CD8A: variants seen among roughly 807,000 people sequenced by gnomAD.
The protein encoded by CD8A is T-cell surface glycoprotein CD8 alpha chain.
A neutral mutation model predicts 24.2 loss-of-function variants in CD8A; 25 were observed. That is an observed-to-expected ratio of 1.03 (90% CI 0.75 to 1.44). The LOEUF (loss-of-function observed/expected upper bound fraction) is 1.44, where lower values mean the gene tolerates loss of function less well. Ranked by LOEUF, CD8A falls within the 40% of genes most tolerant of loss-of-function variation. The probability of loss-of-function intolerance (pLI) is 0.00; values close to 1 mark genes in which losing one functional copy is unlikely to be tolerated. For synonymous variants in CD8A, 165 were observed against 149.9 expected, an observed-to-expected ratio of 1.10 and a Z score of -0.74; for missense variants, 360 against 319.7, an observed-to-expected ratio of 1.13 and a Z score of -0.96.
At chr2:86,797,024 T>C (rs1170944715) in intron 3 of CD8A, among the ~76,000 whole-genome samples, 1 of 152,256 alleles carries the variant, frequency 6.6e-6, no homozygotes, top group Non-Finnish European at 1.5e-5. Flanking sequence ...TAAATTCTTC[T>C]TCCTTGGCAA....
rs1160887106 is a variant in CD8A at position 86,790,903 on chromosome 2, G to A, written c.-78C>T. 6 of 1,388,696 alleles carry A rather than the reference G, an allele frequency of 4.3e-6. No individual in the cohort carries two copies. The highest frequency in any genetic ancestry group is 1.2e-5 in the South Asian group (1 of 81,148). 86.0% of individuals were successfully genotyped at this position (1,388,696 alleles called of 1,614,324 possible). On this transcript the variant is annotated 5_prime_UTR_variant, in exon 1 of 6. Coordinates refer to ENST00000283635, the MANE Select transcript of CD8A (RefSeq NM_001768.7). ...GCGCGGGAGCCGGTGGGGCGCCGAG[G>A]GGGGAAAGTTGCGCCCTTCGGCCGG...
intron 3 of CD8A, among the ~76,000 whole-genome samples, chr2:86,798,633 C>T (rs1225933741): frequency 1.3e-5 from 2 of 152,124 alleles, no homozygotes; most frequent in East Asian, 1.9e-4. Flanking sequence ...AGCAATTCTC[C>T]TGTCTCAGCC....
At chr2:86,789,605 G>A in intron 3 of CD8A, 35 bp downstream of exon 3, 1 of 1,437,582 alleles carries the variant, frequency 7.0e-7, no homozygotes. Context: ...CCCGCGGTGC[G>A]TGCCGCCCCC....
intron 3 of CD8A, among the ~76,000 whole-genome samples, chr2:86,800,743 T>A (rs1216181160): frequency 6.6e-6 from 1 of 152,180 alleles, no homozygotes; most frequent in Non-Finnish European, 1.5e-5. Context: ...TCAACAAAAT[T>A]GGAAGAAGGC....
At chr2:86,789,576 G>A in intron 3 of CD8A, 64 bp downstream of exon 3, 1 of 1,349,380 alleles carries the variant, frequency 7.4e-7, no homozygotes. Flanking sequence ...TATCAGGGCT[G>A]TCCCTGGCAT....
At chr2:86,806,392 G>A (rs997070868) in intron 2 of CD8A, among the ~76,000 whole-genome samples, 1 of 152,184 alleles carries the variant, frequency 6.6e-6, no homozygotes, top group Non-Finnish European at 1.5e-5. Context: ...GAAAGACCAC[G>A]GCAAGGAAAG....
chr2:86,791,620 A>G (rs975490545), upstream of CD8A: 4 of 454,038 alleles, frequency 8.8e-6, no homozygotes, highest in African/African-American at 2.0e-5. Flanking sequence ...ATTCTCACAA[A>G]GGGGATCTGA....
chr2:86,787,296 T>A (rs1241646086), intron 5 of CD8A, among the ~76,000 whole-genome samples: 1 of 152,030 alleles, frequency 6.6e-6, no homozygotes, highest in East Asian at 1.9e-4. Flanking sequence ...AACATATGCA[T>A]TGGAAATCCA....
upstream of CD8A, among the ~76,000 whole-genome samples, chr2:86,791,953 G>A (rs370471743): frequency 1.3e-5 from 2 of 152,214 alleles, no homozygotes; most frequent in South Asian, 4.1e-4. Flanking sequence ...AGGTGTGGGT[G>A]ATGTGGGTGA....
At chr2:86,795,768 T>C (rs1673462200), upstream of CD8A, among the ~76,000 whole-genome samples, 1 of 152,180 alleles carries the variant, frequency 6.6e-6, no homozygotes, top group African/African-American at 2.4e-5. Context: ...CAGCCACCCA[T>C]GTAAGGCCTA....
At chr2:86,791,263 T>C (rs964019222), upstream of CD8A, 2 of 372,270 alleles carry the variant, frequency 5.4e-6, no homozygotes, top group Admixed American at 7.4e-5. Context: ...TAAAGGCGTC[T>C]CTTGTACTGT....
At chr2:86,788,488 G>A (rs777603389) in intron 5 of CD8A, 42 bp downstream of exon 5, 19 of 1,553,218 alleles carry the variant, frequency 1.2e-5, no homozygotes, top group Non-Finnish European at 1.7e-5. Context: ...CCCCACCCCA[G>A]GGCTGGCCAA....
intron 2 of CD8A, 127 bp from the exon 3 acceptor site, chr2:86,789,877 G>T (rs1673199191): frequency 3.4e-6 from 2 of 596,280 alleles, no homozygotes; most frequent in Non-Finnish European, 5.4e-6. Flanking sequence ...GGATAGCAGA[G>T]GAGACAGGAT....
intron 5 of CD8A, 146 bp downstream of exon 5, chr2:86,788,384 G>A: frequency 1.4e-6 from 1 of 722,904 alleles, no homozygotes; most frequent in Non-Finnish European, 2.5e-6. Context: ...GCCTCTCTTT[G>A]CTCAGGAACT....
At chr2:86,792,381 A>C (rs1247706699), upstream of CD8A, among the ~76,000 whole-genome samples, 1 of 152,152 alleles carries the variant, frequency 6.6e-6, no homozygotes, top group Non-Finnish European at 1.5e-5. Flanking sequence ...AGACTTCATG[A>C]TGTGTCCTCC....
Position 86,785,970 on chromosome 2 carries a change from G to A in CD8A, c.658C>T (p.Pro220Ser). ...NRRRVCKCPRPVVKSGDKPSL... is the reference protein window; with the variant it reads ...NRRRVCKCPRSVVKSGDKPSL... Reference sequence around the variant, plus strand: ...GGCTTGTCTCCCGATTTGACCACAGGCCTGAAAGAGAGGAAAGCGACCATC... The same window carrying A: ...GGCTTGTCTCCCGATTTGACCACAGACCTGAAAGAGAGGAAAGCGACCATC... Residue 220 changes from proline to serine, a missense_variant and splice_region_variant, in exon 6 of 6, where the codon CCT becomes TCT. Pro to Ser is a moderately conservative substitution (Grantham distance 74). Coordinates refer to ENST00000283635, the MANE Select transcript of CD8A (RefSeq NM_001768.7). The A allele has an allele frequency of 6.2e-7, 1 of 1,613,562 alleles. No homozygotes were observed. The highest frequency in any genetic ancestry group is 8.5e-7 in the Non-Finnish European group (1 of 1,179,460).
rs1218773931 is a variant in CD8A, at chr2:86,790,801, G to A, written c.25C>T (p.Leu9Phe). 6.4e-7 allele frequency: 1 copy of A among 1,550,458 alleles called. No homozygotes were observed. The highest frequency in any genetic ancestry group is 8.7e-7 in the Non-Finnish European group (1 of 1,152,170). Reference sequence around the variant, plus strand: ...CGGAGCAGCAAGGCCAGCGGCAGGAGCAAGGCGGTCACTGGTAAGGCCATG... The same window carrying A: ...CGGAGCAGCAAGGCCAGCGGCAGGAACAAGGCGGTCACTGGTAAGGCCATG... MALPVTAL[L>F]LPLALLLHAA... is the part of the protein sequence containing the mutation. Residue 9 changes from leucine to phenylalanine, a missense_variant, in exon 1 of 6, where the codon CTC becomes TTC. Leu to Phe is a conservative substitution (Grantham distance 22, BLOSUM62 0). Coordinates refer to ENST00000283635, the MANE Select transcript of CD8A (RefSeq NM_001768.7).
chr2:86,790,822 C>T lies in CD8A; in HGVS notation c.4G>A (p.Ala2Thr), dbSNP rs1213286200. Residue 2 changes from alanine (A) to threonine (T), a missense_variant, in exon 1 of 6, where the codon GCC becomes ACC. Physicochemically the swap from Ala to Thr is moderately conservative, Grantham distance 58 (BLOSUM62 0). Transcript: ENST00000283635. M[A>T]LPVTALLLPL... ...AGGAGCAAGGCGGTCACTGGTAAGG[C>T]CATGACGCGCTCCCCAGGACGCTGC... The T allele has an allele frequency of 6.5e-7, 1 of 1,546,372 alleles. No homozygotes were observed.
intron 3 of CD8A, 67 bp from the exon 4 acceptor site, chr2:86,789,500 G>T: frequency 2.1e-6 from 3 of 1,400,592 alleles, no homozygotes; most frequent in Non-Finnish European, 3.0e-6. Context: ...CCACCGTCCC[G>T]GGAACGTCTC....
Sources: allele counts gnomAD v4.1 joint callset (sites outside exome capture counted in the v4.1 genomes callset), GRCh38; gene constraint gnomAD v4.1.1; transcripts MANE v1.5; gene names NCBI Gene and HGNC (gene_info 2026-07-23, HGNC 2026-07-21).